ESRRG: variants seen among roughly 807,000 people sequenced by gnomAD.
ESRRG encodes the protein estrogen-related receptor gamma.
A neutral mutation model predicts 44.0 loss-of-function variants in ESRRG; 13 were observed. The ratio of observed to expected loss-of-function variants is 0.30; its 90% CI spans 0.19 to 0.47. The LOEUF (loss-of-function observed/expected upper bound fraction) is 0.47. ESRRG is among the 20% of genes least tolerant of loss of function. The probability of loss-of-function intolerance (pLI) is 1.00; values close to 1 mark genes in which losing one functional copy is unlikely to be tolerated. For missense variants in ESRRG, 395 were observed against 580.6 expected (o/e 0.68, Z 3.29); for synonymous variants, 215 against 214.6 (o/e 1.00, Z -0.02).
At chr1:216,952,275 C>T (rs1350764634) in intron 1 of ESRRG, among the ~76,000 whole-genome samples, 3 of 152,102 alleles carry the variant, frequency 2.0e-5, no homozygotes, top group Non-Finnish European at 4.4e-5. Context: ...TTGTTTTCTC[C>T]CCTCAGTGCT....
chr1:217,025,727 A>G (rs540174608), intron 1 of ESRRG, among the ~76,000 whole-genome samples: 33 of 152,330 alleles, frequency 2.2e-4, no homozygotes, highest in South Asian at 1.5e-3. Context: ...GGACATAATC[A>G]AAGTCAAATG....
chr1:217,123,932 A>T (rs2092857581), intron 1 of ESRRG, among the ~76,000 whole-genome samples: 1 of 152,190 alleles, frequency 6.6e-6, no homozygotes, highest in African/African-American at 2.4e-5. Flanking sequence ...AATAATTTTT[A>T]AAAATACCCA....
At chr1:216,663,315 T>G (rs530794179) in intron 2 of ESRRG, among the ~76,000 whole-genome samples, 1 of 152,292 alleles carries the variant, frequency 6.6e-6, no homozygotes, top group African/African-American at 2.4e-5. Context: ...TTTGAAGATT[T>G]TTGTGCTTAT....
chr1:216,702,893 A>G (rs1283599325), intron 1 of ESRRG, among the ~76,000 whole-genome samples: 2 of 152,120 alleles, frequency 1.3e-5, no homozygotes, highest in Non-Finnish European at 2.9e-5. Flanking sequence ...TCGATCAGAG[A>G]AATTCTAATA....
At chr1:216,735,541 G>A (rs1159317491) in intron 2 of ESRRG, among the ~76,000 whole-genome samples, 1 of 152,048 alleles carries the variant, frequency 6.6e-6, no homozygotes, top group East Asian at 1.9e-4. Context: ...GTGCAGCAAT[G>A]GCAAATCCCT....
Position 216,939,733 on chromosome 1 carries a change from A to C in ESRRG, c.-105-60T>G, listed in dbSNP as rs889570919. 11 of 142,804 alleles carry C rather than the reference A, an allele frequency of 7.7e-5. 1 individual carries two copies. Among genetic ancestry groups the C allele is most frequent in the African/African-American group, 2.3e-4 (9 of 38,416 alleles). The allele number at this position is 142,804 out of a possible 1,614,324, so 8.8% of individuals were successfully genotyped here. ...CCAAAAAAGGAAAAAAAAAAAAAAA[A>C]GTAAGGTCAATTTTCTCGGCCGCTG... On this transcript the variant is annotated intron_variant, in intron 1 of 7. Transcript: ENST00000359162.
intron 1 of ESRRG, among the ~76,000 whole-genome samples, chr1:217,013,116 C>CTT (rs2078871068): frequency 6.6e-6 from 1 of 152,210 alleles, no homozygotes; most frequent in Non-Finnish European, 1.5e-5. Context: ...ATCATTTGAA[C>CTT]TTGATTACCT....
chr1:217,030,006 C>A (rs2081822825), intron 1 of ESRRG, among the ~76,000 whole-genome samples: 1 of 152,150 alleles, frequency 6.6e-6, no homozygotes. Context: ...AAGAGAAAAA[C>A]CGAAGCTGGG....
At chr1:216,524,613 C>T (rs1458075671) in intron 5 of ESRRG, among the ~76,000 whole-genome samples, 3 of 152,014 alleles carry the variant, frequency 2.0e-5, no homozygotes, top group Non-Finnish European at 4.4e-5. Context: ...AGGTCCCTTG[C>T]TAGCTAATTT....
intron 2 of ESRRG, among the ~76,000 whole-genome samples, chr1:216,815,618 C>A (rs954778755): frequency 1.3e-5 from 2 of 152,168 alleles, no homozygotes; most frequent in African/African-American, 4.8e-5. Flanking sequence ...TGGTAGCCCC[C>A]ACATACTGCA....
chr1:216,608,668 C>T (rs373507961), intron 3 of ESRRG, among the ~76,000 whole-genome samples: 47 of 152,214 alleles, frequency 3.1e-4, no homozygotes, highest in African/African-American at 9.2e-4. Flanking sequence ...GATGAGTAGC[C>T]GCCTTTAATT....
intron 2 of ESRRG, among the ~76,000 whole-genome samples, chr1:216,657,781 A>C (rs972546481): frequency 1.3e-5 from 2 of 152,150 alleles, no homozygotes. Flanking sequence ...AGGAGTGTGC[A>C]CAAGTCTCAT....
chr1:216,537,875 A>T (rs1373076051), intron 5 of ESRRG, among the ~76,000 whole-genome samples: 2 of 152,094 alleles, frequency 1.3e-5, no homozygotes, highest in Non-Finnish European at 2.9e-5. Flanking sequence ...CTTAGAATTT[A>T]ACCACCATGC....
chr1:216,965,491 C>G (rs1260684212), intron 1 of ESRRG, among the ~76,000 whole-genome samples: 1 of 152,150 alleles, frequency 6.6e-6, no homozygotes, highest in Non-Finnish European at 1.5e-5. Context: ...GCACGAGAGG[C>G]CCTGACCTCC....
intron 1 of ESRRG, among the ~76,000 whole-genome samples, chr1:216,952,018 C>A (rs985233773): frequency 6.6e-6 from 1 of 151,970 alleles, no homozygotes; most frequent in African/African-American, 2.4e-5. Flanking sequence ...AAATACACAA[C>A]CTGCATCCAA....
chr1:216,960,377 A>C (rs1321961269), intron 1 of ESRRG, among the ~76,000 whole-genome samples: 1 of 152,138 alleles, frequency 6.6e-6, no homozygotes, highest in East Asian at 1.9e-4. Flanking sequence ...TGCATTCCTC[A>C]CCAGAAGTAA....
At chr1:216,918,453 C>A (rs559341847) in intron 2 of ESRRG, among the ~76,000 whole-genome samples, 3 of 152,226 alleles carry the variant, frequency 2.0e-5, no homozygotes, top group Admixed American at 6.5e-5. Flanking sequence ...AAGGCTGAAA[C>A]AAATTGCAAA....
intron 2 of ESRRG, among the ~76,000 whole-genome samples, chr1:216,797,718 T>C (rs1180532448): frequency 6.6e-6 from 1 of 152,136 alleles, no homozygotes. Context: ...AGATGTTGTT[T>C]TCATCACATC....
At chr1:217,051,296 C>T (rs1374953983) in intron 1 of ESRRG, among the ~76,000 whole-genome samples, 1 of 149,894 alleles carries the variant, frequency 6.7e-6, no homozygotes, top group Non-Finnish European at 1.5e-5. Context: ...CTGAAGAAAG[C>T]TCCAGGCAAC....
Sources: allele counts gnomAD v4.1 joint callset (sites outside exome capture counted in the v4.1 genomes callset), GRCh38; gene constraint gnomAD v4.1.1; transcripts MANE v1.5; gene names NCBI Gene and HGNC (gene_info 2026-07-23, HGNC 2026-07-21).